The following TRAPPC9 variants were observed in gnomAD, a reference collection of about 807,000 sequenced individuals.
TRAPPC9 encodes trafficking protein particle complex subunit 9.
A neutral mutation model predicts 124.0 loss-of-function variants in TRAPPC9; 83 were observed. The observed-to-expected ratio is 0.67, with a 90% CI of 0.56 to 0.80. TRAPPC9 has a LOEUF of 0.80. TRAPPC9 is among the 30% of genes least tolerant of loss of function. TRAPPC9 has a pLI of 0.00. For missense variants in TRAPPC9, 1,302 were observed against 1,508.3 expected (o/e 0.86, Z 2.27); for synonymous variants, 638 against 617.5 (o/e 1.03, Z -0.49).
At chr8:140,007,158 C>A (rs1039130019) in intron 18 of TRAPPC9, among the ~76,000 whole-genome samples, 1 of 152,184 alleles carries the variant, frequency 6.6e-6, no homozygotes, top group East Asian at 1.9e-4. Context: ...GTTGAACAAA[C>A]AGTTGAAACT....
At chr8:140,219,465 G>T (rs905822293) in intron 17 of TRAPPC9, among the ~76,000 whole-genome samples, 2 of 152,168 alleles carry the variant, frequency 1.3e-5, no homozygotes, top group Non-Finnish European at 2.9e-5. Context: ...CTTATGCCAG[G>T]TGTCTGAGGG....
chr8:140,350,064 C>G (rs2067505780), intron 9 of TRAPPC9, among the ~76,000 whole-genome samples: 1 of 152,194 alleles, frequency 6.6e-6, no homozygotes, highest in Non-Finnish European at 1.5e-5. Flanking sequence ...GCCACAAAGT[C>G]AAGAAGCACC....
In TRAPPC9 at chr8:139,823,810, T is replaced by G. The variant is rs571169646; in HGVS notation, c.3055+62069A>C. 6.6e-5 allele frequency among the ~76,000 whole-genome samples: 10 copies of G among 152,270 alleles called. No homozygotes were observed. In the East Asian group the frequency reaches 1.9e-3, roughly 29 times the overall value. The stretch of plus-strand genomic sequence containing the variant: ...GCCACAAAGAGAGGCCTGATGGGCA[T>G]CCTCAGGATAATAAAACGTGAACAG... On this transcript the variant is annotated intron_variant, in intron 21 of 22. Coordinates refer to ENST00000438773, the MANE Select transcript of TRAPPC9 (RefSeq NM_001160372.4).
intron 21 of TRAPPC9, among the ~76,000 whole-genome samples, chr8:139,852,171 C>CT (rs765828994): frequency 1.3e-5 from 2 of 152,206 alleles, no homozygotes; most frequent in Non-Finnish European, 2.9e-5. Flanking sequence ...GATGATGAGA[C>CT]TTGCTCCTCC....
At chr8:139,861,604 G>A (rs551978241) in intron 21 of TRAPPC9, among the ~76,000 whole-genome samples, 3 of 152,210 alleles carry the variant, frequency 2.0e-5, no homozygotes, top group Non-Finnish European at 2.9e-5. Flanking sequence ...ACATACTGAC[G>A]TATTGATTCT....
chr8:140,107,759 A>G (rs1282969023), intron 17 of TRAPPC9, among the ~76,000 whole-genome samples: 1 of 152,212 alleles, frequency 6.6e-6, no homozygotes, highest in Non-Finnish European at 1.5e-5. Context: ...AAGACTGGCC[A>G]AGGGTATGGG....
At chr8:139,735,944 G>C (rs1818135765) in intron 21 of TRAPPC9, among the ~76,000 whole-genome samples, 1 of 152,232 alleles carries the variant, frequency 6.6e-6, no homozygotes, top group African/African-American at 2.4e-5. Context: ...GGGTTGGCAG[G>C]GGTTGTGGGC....
intron 21 of TRAPPC9, among the ~76,000 whole-genome samples, chr8:139,882,810 T>C (rs1829761474): frequency 6.6e-6 from 1 of 152,134 alleles, no homozygotes; most frequent in Non-Finnish European, 1.5e-5. Flanking sequence ...AGGAAGAAAC[T>C]CAGGCTCAAA....
At position 139,729,360 on chromosome 8, in the gene TRAPPC9, G is replaced by C. The variant is rs1384838845; in HGVS notation, c.*1701C>G. ...AGGTTGACACACATGGATGCTGTTT[G>C]TTCCATTCAGAAACAGCCCAGGTGG... On this transcript the variant is annotated 3_prime_UTR_variant, in exon 23 of 23. Coordinates refer to ENST00000438773, the MANE Select transcript of TRAPPC9 (RefSeq NM_001160372.4). Among the ~76,000 whole-genome samples, 2 of 152,268 alleles carry C rather than the reference G, an allele frequency of 1.3e-5. No individual in the cohort carries two copies. Among genetic ancestry groups the C allele is most frequent in the Admixed American group, 1.3e-4 (2 of 15,294 alleles).
rs2060629752 is a variant in TRAPPC9 at position 140,104,436 on chromosome 8, C to G, written c.2557-80357G>C. 6.6e-6 allele frequency among the ~76,000 whole-genome samples: 1 copy of G among 152,168 alleles called. No individual in the cohort carries two copies. The highest frequency in any genetic ancestry group is 1.5e-5 in the Non-Finnish European group (1 of 68,028). On this transcript the variant is annotated intron_variant, in intron 17 of 22. Coordinates refer to ENST00000438773, the MANE Select transcript of TRAPPC9 (RefSeq NM_001160372.4). This position sits in a 1 kb window ranked among gnomAD's most constrained non-coding sequence, Gnocchi z 4.0. ...GACCCTGCGATCTCTGAGATACTCA[C>G]AGGCCCGTGCGATAGTTGGATATCT...
chr8:139,987,993 C>T (rs1390628280), intron 19 of TRAPPC9, among the ~76,000 whole-genome samples: 1 of 152,148 alleles, frequency 6.6e-6, no homozygotes, highest in African/African-American at 2.4e-5. Flanking sequence ...GCTTGGGTGA[C>T]TGTGCTCCCC....
rs142048892 is a variant in TRAPPC9, at chr8:139,885,946, C to T, written c.2988G>A (p.Glu996=). ...GGTTCAGGAGTCCTTCCACACTCGC[C>T]TCGCCACTGCGCTTCAGGGAGGGGT... ...WRIPSLKRSG[E]ASVEGLLNQL... Residue 996 remains glutamate, a synonymous_variant, in exon 21 of 23, where the codon GAG becomes GAA. Coordinates refer to ENST00000438773, the MANE Select transcript of TRAPPC9 (RefSeq NM_001160372.4). The T allele has an allele frequency of 1.3e-5, 21 of 1,570,070 alleles. No homozygotes were observed. The highest frequency in any genetic ancestry group is 1.9e-5 in the Admixed American group (1 of 53,834).
At position 139,825,242 on chromosome 8, in the gene TRAPPC9, C is replaced by T. The variant is rs1037148320; in HGVS notation, c.3055+60637G>A. On this transcript the variant is annotated intron_variant, in intron 21 of 22. Transcript: ENST00000438773. This position sits in a 1 kb window ranked among gnomAD's most constrained non-coding sequence, Gnocchi z 4.6. ...AGCCCACGCAGGGTGGGCAGAGAAA[C>T]GGCTCCTGTCTTTCAGGGAACTAGC... is the stretch of plus-strand genomic sequence containing the variant. Among the ~76,000 whole-genome samples, 3 of 152,316 alleles carry T rather than the reference C, an allele frequency of 2.0e-5. No individual in the cohort carries two copies. The highest frequency in any genetic ancestry group is 2.1e-4 in the South Asian group (1 of 4,826).
chr8:140,378,806 C>T (rs1238048776), intron 7 of TRAPPC9, among the ~76,000 whole-genome samples: 3 of 152,188 alleles, frequency 2.0e-5, no homozygotes, highest in African/African-American at 7.2e-5. Flanking sequence ...TATGTGAGCA[C>T]TGAAAACTGT....
chr8:140,140,854 C>T (rs1393359639), intron 17 of TRAPPC9, among the ~76,000 whole-genome samples: 1 of 152,006 alleles, frequency 6.6e-6, no homozygotes, highest in Non-Finnish European at 1.5e-5. Context: ...ATTTCTGCTA[C>T]AATCACCACC....
chr8:140,197,174 C>T (rs917060056), intron 17 of TRAPPC9, among the ~76,000 whole-genome samples: 1 of 151,578 alleles, frequency 6.6e-6, no homozygotes, highest in Admixed American at 6.6e-5. Flanking sequence ...ATAAAGTGGG[C>T]GAGGAAGAGA....
At chr8:140,137,845 T>C (rs2061328774) in intron 17 of TRAPPC9, among the ~76,000 whole-genome samples, 1 of 152,222 alleles carries the variant, frequency 6.6e-6, no homozygotes, top group Admixed American at 6.5e-5. Context: ...TTGTAAACCA[T>C]AACCATATAC....
At chr8:139,940,119 C>T (rs967139107) in intron 19 of TRAPPC9, among the ~76,000 whole-genome samples, 1 of 152,218 alleles carries the variant, frequency 6.6e-6, no homozygotes, top group South Asian at 2.1e-4. Flanking sequence ...TGGAACACAT[C>T]ATCATCAGTT....
intron 9 of TRAPPC9, among the ~76,000 whole-genome samples, chr8:140,348,959 CACTGG>C (rs1403227468): frequency 6.6e-6 from 1 of 151,838 alleles, no homozygotes; most frequent in Admixed American, 6.6e-5. Context: ...GTAGAGGAAG[CACTGG>C]ACTGAGAGAA....
Sources: allele counts gnomAD v4.1 joint callset (sites outside exome capture counted in the v4.1 genomes callset), GRCh38; gene constraint gnomAD v4.1.1; non-coding constraint Gnocchi (gnomAD v3.1); transcripts MANE v1.5; gene names NCBI Gene and HGNC (gene_info 2026-07-23, HGNC 2026-07-21).